Variants in CNTNAP2 observed in about 807,000 individuals in gnomAD.
The protein encoded by CNTNAP2 is contactin-associated protein-like 2.
CNTNAP2 carries 98 observed loss-of-function variants against 155.2 expected under a neutral mutation model. The observed-to-expected ratio is 0.63, with a 90% confidence interval of 0.54 to 0.75. The LOEUF is 0.75. CNTNAP2 is among the 30% of genes least tolerant of loss of function. The pLI is 0.00. For missense variants in CNTNAP2, 1,727 were observed against 1,688.1 expected (o/e 1.02, Z -0.40); for synonymous variants, 651 against 631.2 (o/e 1.03, Z -0.47).
chr7:147,451,140 G>A (rs1167805436), intron 10 of CNTNAP2, among the ~76,000 whole-genome samples: 1 of 151,994 alleles, frequency 6.6e-6, no homozygotes, highest in Non-Finnish European at 1.5e-5. Flanking sequence ...CCTTTGTTGA[G>A]GCAAAAAACT....
intron 13 of CNTNAP2, among the ~76,000 whole-genome samples, chr7:147,768,341 G>A (rs776472888): frequency 4.2e-4 from 64 of 152,080 alleles, no homozygotes; most frequent in Non-Finnish European, 7.8e-4. Flanking sequence ...GGGAGGAAGT[G>A]TATGGCTGAA....
chr7:147,220,425 T>A lies in CNTNAP2; in HGVS notation c.1349-79716T>A, dbSNP rs188017528. ...GAGTTGAGTCTTATTTCTTGATTCA[T>A]TCTGACAATCTCTATCTTTTAATTA... is the stretch of plus-strand genomic sequence containing the variant. On this transcript the variant is annotated intron_variant, in intron 8 of 23. Transcript: ENST00000361727. Among the ~76,000 whole-genome samples the A allele has an allele frequency of 5.2e-3, 798 of 152,346 alleles. 8 individuals are homozygous for A. The highest frequency in any genetic ancestry group is 0.018 in the African/African-American group (747 of 41,590).
intron 12 of CNTNAP2, among the ~76,000 whole-genome samples, chr7:147,601,650 T>A (rs201940963): frequency 0.54 from 51,977 of 97,098 alleles, 10,341 homozygotes; most frequent in Admixed American, 0.58. Context: ...AAAAAATATA[T>A]ATATATATAT....
In CNTNAP2 at chr7:147,977,856, A is replaced by T. The variant is rs10240482; in HGVS notation, c.2256-6A>T. 0.067 allele frequency: 108,562 copies of T among 1,612,480 alleles called. 4,888 individuals are homozygous for T. Among genetic ancestry groups the T allele is most frequent in the African/African-American group, 0.2 (15,191 of 74,850 alleles). ...CATTCTTTTTCTGTCTTTCCCTGTG[A>T]TCCAGGAGGAAGGATGCTGGTTTCT... On this transcript the variant is annotated splice_polypyrimidine_tract_variant and splice_region_variant and intron_variant, in intron 14 of 23. Transcript: ENST00000361727.
chr7:148,231,610 C>T (rs1053333143), intron 20 of CNTNAP2, among the ~76,000 whole-genome samples: 61 of 152,130 alleles, frequency 4.0e-4, no homozygotes, highest in African/African-American at 1.3e-3. Context: ...TTACCTCTTA[C>T]TGCATGCTCC....
At chr7:147,830,010 A>G (rs951876265) in intron 13 of CNTNAP2, among the ~76,000 whole-genome samples, 2 of 151,918 alleles carry the variant, frequency 1.3e-5, no homozygotes, top group African/African-American at 4.8e-5. Context: ...GTGGATCTCC[A>G]TAGCAACCTT....
chr7:147,502,695 C>T (rs1255377102), intron 11 of CNTNAP2, among the ~76,000 whole-genome samples: 4 of 150,082 alleles, frequency 2.7e-5, no homozygotes, highest in South Asian at 2.1e-4. Context: ...TTAATTAACC[C>T]GATTGTGGTA....
chr7:147,501,389 T>C (rs1163718411), intron 11 of CNTNAP2, among the ~76,000 whole-genome samples: 2 of 152,014 alleles, frequency 1.3e-5, no homozygotes, highest in Non-Finnish European at 2.9e-5. Flanking sequence ...GCAGAGCAAT[T>C]GGGTAAGAAG....
intron 3 of CNTNAP2, among the ~76,000 whole-genome samples, chr7:146,852,241 A>AGG (rs893394408): frequency 6.6e-6 from 1 of 152,006 alleles, no homozygotes; most frequent in Non-Finnish European, 1.5e-5. Flanking sequence ...GGGTGTTGAT[A>AGG]GGGGTGTGTC....
At chr7:146,793,785 T>C (rs147991340) in intron 2 of CNTNAP2, among the ~76,000 whole-genome samples, 1 of 152,224 alleles carries the variant, frequency 6.6e-6, no homozygotes, top group Non-Finnish European at 1.5e-5. Context: ...TTAGACAGCA[T>C]AAGTGGTGTC....
intron 8 of CNTNAP2, among the ~76,000 whole-genome samples, chr7:147,221,526 G>T (rs979494306): frequency 3.9e-5 from 6 of 152,276 alleles, no homozygotes; most frequent in African/African-American, 1.4e-4. Context: ...CTTAGCATGG[G>T]TTCTCTCAGC....
rs185427592 is a variant in CNTNAP2 at position 147,177,080 on chromosome 7, A to C, written c.1348+44571A>C. Among the ~76,000 whole-genome samples, 28 of 148,740 alleles carry C rather than the reference A, an allele frequency of 1.9e-4. No individual in the cohort carries two copies. The East Asian group carries it at 5.5e-3, about 29-fold the overall frequency. On this transcript the variant is annotated intron_variant, in intron 8 of 23. Coordinates refer to ENST00000361727, the MANE Select transcript of CNTNAP2 (RefSeq NM_014141.6). Reference sequence around the variant, plus strand: ...TGTATAATACATACACACGTATAATATAATAGAATCATATTCTGTCATCTT... The same window carrying C: ...TGTATAATACATACACACGTATAATCTAATAGAATCATATTCTGTCATCTT...
chr7:147,316,417 C>T (rs1042154166), intron 9 of CNTNAP2, among the ~76,000 whole-genome samples: 4 of 151,836 alleles, frequency 2.6e-5, no homozygotes, highest in Non-Finnish European at 4.4e-5. Flanking sequence ...GTGAGGTTAG[C>T]ATCATCAAGG....
chr7:146,318,647 A>G (rs1365105225), intron 1 of CNTNAP2, among the ~76,000 whole-genome samples: 1 of 152,076 alleles, frequency 6.6e-6, no homozygotes, highest in Non-Finnish European at 1.5e-5. Context: ...AAAGAAACAG[A>G]TCTTGTTTCA....
intron 2 of CNTNAP2, among the ~76,000 whole-genome samples, chr7:146,836,577 A>G (rs539294132): frequency 6.6e-6 from 1 of 152,282 alleles, no homozygotes; most frequent in South Asian, 2.1e-4. Flanking sequence ...GTACTATTGT[A>G]GTTGCATATC....
intron 18 of CNTNAP2, among the ~76,000 whole-genome samples, chr7:148,194,407 T>A (rs1484590321): frequency 6.6e-6 from 1 of 152,186 alleles, no homozygotes; most frequent in African/African-American, 2.4e-5. Context: ...TTGTCTTATA[T>A]GTCTTAGTTT....
chr7:147,981,917 C>T (rs1057335222), intron 15 of CNTNAP2, among the ~76,000 whole-genome samples: 2 of 151,454 alleles, frequency 1.3e-5, no homozygotes, highest in Admixed American at 6.6e-5. Context: ...GGATGGTTCG[C>T]TGAAATAAAA....
At chr7:147,421,585 C>CTGTGTGTGTGTGTGTGTG (rs55983110) in intron 10 of CNTNAP2, among the ~76,000 whole-genome samples, 10,437 of 143,434 alleles carry the variant, frequency 0.073, 658 homozygotes, top group East Asian at 0.27. Context: ...TCTATCTAAT[C>CTGTGTGTGTGTGTGTGTG]TGTGTGTGTG....
rs542370153 is a variant in CNTNAP2, at chr7:147,893,306, A to G, written c.2099-10259A>G. Among the ~76,000 whole-genome samples the G allele has an allele frequency of 1.4e-3, 210 of 150,028 alleles. 1 individual carries two copies. Among genetic ancestry groups the G allele is most frequent in the African/African-American group, 4.5e-3 (179 of 39,418 alleles). Reference sequence around the variant, plus strand: ...TCCAGACCATGGTTATAAAACTGAGAAAAAAAGTATTAAAAGGACTGTATT... The same window carrying G: ...TCCAGACCATGGTTATAAAACTGAGGAAAAAAGTATTAAAAGGACTGTATT... On this transcript the variant is annotated intron_variant, in intron 13 of 23. Transcript: ENST00000361727.
Sources: gnomAD v4.1 joint callset for allele counts (sites outside exome capture counted in the v4.1 genomes callset) on GRCh38, gnomAD v4.1.1 for gene constraint, MANE v1.5 for transcripts, NCBI Gene and HGNC (gene_info 2026-07-23, HGNC 2026-07-21) for gene names.